The following GSE1 variants were observed in gnomAD, a reference collection of about 807,000 sequenced individuals.
The protein encoded by GSE1 is Gse1 coiled-coil protein, also known as genetic suppressor element 1.
Under a neutral mutation model 112.6 loss-of-function variants are expected in GSE1, and 32 were observed. The observed-to-expected ratio is 0.28, with a 90% CI of 0.21 to 0.38. The LOEUF (loss-of-function observed/expected upper bound fraction) is 0.38. Ranked by LOEUF, GSE1 falls within the 10% of genes least tolerant of loss-of-function variation. The probability of loss-of-function intolerance (pLI) is 1.00; values close to 1 mark genes in which losing one functional copy is unlikely to be tolerated. For synonymous variants in GSE1, 1,115 were observed against 735.6 expected (o/e 1.52, Z -8.35); for missense variants, 2,348 against 1,699.2 (o/e 1.38, Z -6.71).
chr16:85,318,721 G>A (rs1306981223), intron 1 of GSE1, among the ~76,000 whole-genome samples: 1 of 152,224 alleles, frequency 6.6e-6, no homozygotes, highest in Admixed American at 6.5e-5. Context: ...CTATCAAGCT[G>A]CTTGGGCAGA....
chr16:85,171,566 C>A lies in GSE1; in HGVS notation c.2042C>A (p.Thr681Lys), dbSNP rs528328627. 37 of 985,560 alleles carry A rather than the reference C, an allele frequency of 3.8e-5. No homozygotes were observed. In the South Asian group the frequency reaches 1.5e-3, roughly 41 times the overall value. 61.1% of individuals were successfully genotyped at this position (985,560 alleles called of 1,614,324 possible). The change falls in exon 1 of 3, where the codon ACG (threonine) becomes AAG (lysine). Residue 681 changes from threonine (T) to lysine (K), a missense_variant. Transcript: ENST00000637419. Reference sequence around the variant, plus strand: ...TGGTCCCGGCAGTACCAGGTGGAGACGTTCGTGTGCTTCTTTTGTCAGCAG... The same window carrying A: ...TGGTCCCGGCAGTACCAGGTGGAGAAGTTCGTGTGCTTCTTTTGTCAGCAG...
intron 1 of GSE1, among the ~76,000 whole-genome samples, chr16:85,203,756 G>T (rs1597792303): frequency 6.6e-6 from 1 of 152,164 alleles, no homozygotes. Flanking sequence ...TTACTTATTT[G>T]AGACAGGGTC....
intron 2 of GSE1, among the ~76,000 whole-genome samples, chr16:85,390,501 G>A (rs2047813820): frequency 6.6e-6 from 1 of 152,184 alleles, no homozygotes; most frequent in Non-Finnish European, 1.5e-5. Flanking sequence ...ATGGGTTAGG[G>A]TCAAGCTGTG....
intron 3 of GSE1, among the ~76,000 whole-genome samples, chr16:85,652,388 C>T (rs1055563361): frequency 3.3e-5 from 5 of 152,328 alleles, no homozygotes; most frequent in East Asian, 3.9e-4. Context: ...CCCGGCCCCA[C>T]GCAGGGCGTC....
chr16:85,467,853 C>T (rs868087541), intron 2 of GSE1, among the ~76,000 whole-genome samples: 1 of 152,172 alleles, frequency 6.6e-6, no homozygotes, highest in Non-Finnish European at 1.5e-5. Flanking sequence ...ACAGTTGATT[C>T]GTGTGAAGTG....
At chr16:85,473,886 G>T (rs770443964) in intron 2 of GSE1, among the ~76,000 whole-genome samples, 2 of 151,660 alleles carry the variant, frequency 1.3e-5, no homozygotes, top group Non-Finnish European at 1.5e-5. Flanking sequence ...CACTCTCCCA[G>T]GCACTAGCAT....
At chr16:85,229,697 T>G (rs2075549094) in intron 1 of GSE1, among the ~76,000 whole-genome samples, 1 of 152,234 alleles carries the variant, frequency 6.6e-6, no homozygotes, top group South Asian at 2.1e-4. Flanking sequence ...GACTGACTCC[T>G]GAAACCAATA....
chr16:85,240,098 G>T (rs72805694), intron 1 of GSE1, among the ~76,000 whole-genome samples: 34,610 of 152,258 alleles, frequency 0.23, 4,671 homozygotes, highest in East Asian at 0.51. Context: ...GAATCTCTCT[G>T]AGCCTCAACT....
At chr16:85,524,327 CT>C (rs1288410448) in intron 2 of GSE1, among the ~76,000 whole-genome samples, 1 of 151,908 alleles carries the variant, frequency 6.6e-6, no homozygotes, top group African/African-American at 2.4e-5. Flanking sequence ...TGCTTGCCGG[CT>C]CTGTGGCTTC....
At chr16:85,609,720 TCTC>T (rs1160133580), upstream of GSE1, among the ~76,000 whole-genome samples, 1 of 151,968 alleles carries the variant, frequency 6.6e-6, no homozygotes, top group Admixed American at 6.6e-5. Flanking sequence ...AGTGGCACAA[TCTC>T]AGCTCACTGC....
chr16:85,304,822 C>T (rs376336766), intron 1 of GSE1, among the ~76,000 whole-genome samples: 1 of 152,228 alleles, frequency 6.6e-6, no homozygotes, highest in Admixed American at 6.5e-5. Flanking sequence ...CAATGTCCCC[C>T]TCTTTCAACC....
At chr16:85,491,303 C>G (rs1461941605) in intron 2 of GSE1, among the ~76,000 whole-genome samples, 4 of 152,188 alleles carry the variant, frequency 2.6e-5, no homozygotes, top group Non-Finnish European at 4.4e-5. Flanking sequence ...CACTGAGCAC[C>G]TACCAGCACC....
intron 1 of GSE1, among the ~76,000 whole-genome samples, chr16:85,596,087 T>G (rs984827666): frequency 1.3e-5 from 2 of 151,430 alleles, no homozygotes; most frequent in Non-Finnish European, 2.9e-5. Flanking sequence ...CCTCAACCCA[T>G]GCACTCATCC....
At chr16:85,571,759 G>C (rs922883558) in intron 1 of GSE1, among the ~76,000 whole-genome samples, 34 of 152,258 alleles carry the variant, frequency 2.2e-4, no homozygotes, top group African/African-American at 8.2e-4. Context: ...TGGGGGCAGA[G>C]GCCATGGCGG....
intron 1 of GSE1, among the ~76,000 whole-genome samples, chr16:85,223,543 T>C (rs893924489): frequency 2.0e-5 from 3 of 151,616 alleles, no homozygotes; most frequent in Admixed American, 6.6e-5. Context: ...AACAAAAAAA[T>C]TGTGGTAAGA....
chr16:85,312,204 C>CG (rs35882426), intron 1 of GSE1, among the ~76,000 whole-genome samples: 6,916 of 55,564 alleles, frequency 0.12, 1,153 homozygotes, highest in East Asian at 0.17. Flanking sequence ...GATCCTCTTG[C>CG]GGGGGGGGGG....
At chr16:85,372,160 C>T (rs955186552) in intron 2 of GSE1, among the ~76,000 whole-genome samples, 2 of 152,160 alleles carry the variant, frequency 1.3e-5, no homozygotes, top group Non-Finnish European at 2.9e-5. Context: ...ACCCTCCACT[C>T]CCTGGCTTGG....
intron 2 of GSE1, among the ~76,000 whole-genome samples, chr16:85,478,416 A>G (rs2050529633): frequency 6.6e-6 from 1 of 151,570 alleles, no homozygotes; most frequent in African/African-American, 2.4e-5. Context: ...AGTCCCAGCT[A>G]CTCGGGAGGC....
At chr16:85,514,996 G>T (rs1271746775) in intron 2 of GSE1, among the ~76,000 whole-genome samples, 1 of 152,186 alleles carries the variant, frequency 6.6e-6, no homozygotes, top group African/African-American at 2.4e-5. Flanking sequence ...TGTGTGTGCA[G>T]TTGTACCCAT....
Sources: allele counts gnomAD v4.1 joint callset (sites outside exome capture counted in the v4.1 genomes callset), GRCh38; gene constraint gnomAD v4.1.1; transcripts MANE v1.5; gene names NCBI Gene and HGNC (gene_info 2026-07-23, HGNC 2026-07-21).